PLCG2: variants seen among roughly 807,000 people sequenced by gnomAD.
PLCG2 encodes the protein phospholipase C gamma 2.
In PLCG2, 69 loss-of-function variants were observed where a neutral mutation model predicts 175.6. The observed-to-expected ratio is 0.39, with a 90% confidence interval of 0.32 to 0.48. PLCG2 has a LOEUF of 0.48. PLCG2 is among the 20% of genes least tolerant of loss of function. The probability of loss-of-function intolerance (pLI) is 0.91; values close to 1 mark genes in which losing one functional copy is unlikely to be tolerated. For missense variants in PLCG2, 1,798 were observed against 1,650.9 expected (o/e 1.09, Z -1.54); for synonymous variants, 827 against 624.0 (o/e 1.33, Z -4.85).
At chr16:81,777,234 C>A (rs1175374172), upstream of PLCG2, among the ~76,000 whole-genome samples, 1 of 152,026 alleles carries the variant, frequency 6.6e-6, no homozygotes, top group Non-Finnish European at 1.5e-5. Context: ...GCCACGGCTC[C>A]CTAGAGTGGT....
chr16:81,787,393 AT>A (rs67160306), intron 2 of PLCG2, among the ~76,000 whole-genome samples: 13,540 of 94,484 alleles, frequency 0.14, 954 homozygotes, highest in East Asian at 0.38. Context: ...GGATAATTTA[AT>A]TTTTTTTTTT....
At chr16:81,740,041 G>A (rs1490459698) in intron 1 of PLCG2, among the ~76,000 whole-genome samples, 1 of 151,010 alleles carries the variant, frequency 6.6e-6, no homozygotes, top group Non-Finnish European at 1.5e-5. Context: ...GGGAGGCTGA[G>A]GCAGGAGAAT....
intron 5 of PLCG2, among the ~76,000 whole-genome samples, chr16:81,862,578 A>C (rs536165254): frequency 6.6e-6 from 1 of 152,192 alleles, no homozygotes; most frequent in East Asian, 1.9e-4. Flanking sequence ...CTTTTTTTAA[A>C]TGTGCTACTG....
At chr16:81,747,425 C>T (rs1909726626) in intron 1 of PLCG2, among the ~76,000 whole-genome samples, 1 of 152,236 alleles carries the variant, frequency 6.6e-6, no homozygotes, top group East Asian at 1.9e-4. Context: ...GTCCCAGCTA[C>T]ACGGGACACT....
chr16:81,945,927 T>C (rs568134086), intron 30 of PLCG2, among the ~76,000 whole-genome samples: 1 of 152,320 alleles, frequency 6.6e-6, no homozygotes, highest in South Asian at 2.1e-4. Flanking sequence ...GAGTGAATCA[T>C]TTTTATTTCT....
At chr16:81,859,912 C>A (rs1906882353) in intron 5 of PLCG2, among the ~76,000 whole-genome samples, 1 of 152,080 alleles carries the variant, frequency 6.6e-6, no homozygotes, top group African/African-American at 2.4e-5. Context: ...GACTTTTTCA[C>A]TTAAAAGTAC....
chr16:81,843,198 C>T (rs1905929259), intron 2 of PLCG2, among the ~76,000 whole-genome samples: 1 of 152,180 alleles, frequency 6.6e-6, no homozygotes, highest in African/African-American at 2.4e-5. Context: ...GTTTCAGTCA[C>T]TATGAGCCCT....
rs144847310 is a variant in PLCG2, at chr16:81,840,049, C to G, written c.194-14395C>G. The stretch of plus-strand genomic sequence containing the variant: ...TCCAGCCTGGGTGACAGGGCATGAC[C>G]TTGTCTCCAAAAAAACTTAAAGAAT... On this transcript the variant is annotated intron_variant, in intron 2 of 32. Transcript: ENST00000564138. Among the ~76,000 whole-genome samples, 90 of 152,302 alleles carry G rather than the reference C, an allele frequency of 5.9e-4. No homozygotes were observed. The East Asian group carries it at 0.014, about 24-fold the overall frequency.
intron 19 of PLCG2, among the ~76,000 whole-genome samples, chr16:81,915,190 G>A (rs932947646): frequency 6.6e-6 from 1 of 152,178 alleles, no homozygotes; most frequent in African/African-American, 2.4e-5. Flanking sequence ...AGCTCTCCAG[G>A]GAAACGGATG....
In PLCG2 at chr16:81,895,922, C is replaced by G. The variant is rs13333716; in HGVS notation, c.1188C>G (p.Thr396=). The G allele has an allele frequency of 0.07, 112,250 of 1,613,924 alleles. 4,395 individuals are homozygous for G. The highest frequency in any genetic ancestry group is 0.082 in the African/African-American group (6,125 of 74,948). Residue 396 remains threonine, a synonymous_variant, in exon 13 of 33, where the codon ACC becomes ACG. Coordinates refer to ENST00000564138, the MANE Select transcript of PLCG2 (RefSeq NM_002661.5). ...VQAIKDHAFV[T]SSFPVILSIE... ...CCATCAAAGACCACGCCTTTGTTAC[C>G]TCGAGGTCAGTTGGCTGATTTCTGG...
intron 1 of PLCG2, among the ~76,000 whole-genome samples, chr16:81,743,562 A>T (rs1232757568): frequency 6.6e-6 from 1 of 152,206 alleles, no homozygotes; most frequent in Non-Finnish European, 1.5e-5. Flanking sequence ...GGTTGGGCTC[A>T]GGAATGGGCA....
chr16:81,836,620 G>C (rs966622233), intron 2 of PLCG2, among the ~76,000 whole-genome samples: 3 of 152,158 alleles, frequency 2.0e-5, no homozygotes, highest in Non-Finnish European at 2.9e-5. Flanking sequence ...ACACTCCTTT[G>C]GTCCCAGCTC....
At chr16:81,860,273 T>A (rs986383001) in intron 5 of PLCG2, among the ~76,000 whole-genome samples, 1 of 151,884 alleles carries the variant, frequency 6.6e-6, no homozygotes, top group Non-Finnish European at 1.5e-5. Context: ...CATTGTCATT[T>A]CGGAAATCAT....
chr16:81,858,475 G>A (rs937353155), intron 4 of PLCG2, 119 bp downstream of exon 4: 44 of 742,854 alleles, frequency 5.9e-5, no homozygotes, highest in African/African-American at 5.4e-4. Context: ...TTTGAGGCTC[G>A]TTGAGTGTCT....
At chr16:81,764,433 A>T (rs1327600368) in intron 2 of PLCG2, among the ~76,000 whole-genome samples, 1 of 152,226 alleles carries the variant, frequency 6.6e-6, no homozygotes, top group Admixed American at 6.5e-5. Flanking sequence ...GGGATGGAGG[A>T]AGAATCAGGG....
At chr16:81,898,070 A>C in intron 13 of PLCG2, 3 of 305,616 alleles carry the variant, frequency 9.8e-6, no homozygotes, top group South Asian at 7.6e-5. Context: ...GACACTGTGC[A>C]GTGGCAGCTT....
chr16:81,913,594 G>C (rs894994564), intron 19 of PLCG2, among the ~76,000 whole-genome samples: 1 of 152,274 alleles, frequency 6.6e-6, no homozygotes, highest in South Asian at 2.1e-4. Flanking sequence ...GCCTGTGGGC[G>C]TCTTTTGTAC....
intron 2 of PLCG2, among the ~76,000 whole-genome samples, chr16:81,806,971 G>C (rs1192390343): frequency 1.3e-5 from 2 of 152,166 alleles, no homozygotes; most frequent in Non-Finnish European, 2.9e-5. Flanking sequence ...GGAGCCGGGA[G>C]CCATGGGAGA....
In PLCG2 at chr16:81,786,067, G is replaced by A. The variant is rs749437141; in HGVS notation, c.78G>A (p.Thr26=). ...SQIKRALELG[T]VMTVFSFRKS... ...TCAAGAGAGCCCTGGAGCTGGGGAC[G>A]GTGATGACTGTGTTCAGCTTCCGCA... Residue 26 remains threonine, a synonymous_variant, in exon 2 of 33, where the codon ACG becomes ACA. Coordinates refer to ENST00000564138, the MANE Select transcript of PLCG2 (RefSeq NM_002661.5). 5.0e-6 allele frequency: 8 copies of A among 1,614,034 alleles called. No individual in the cohort carries two copies. Among genetic ancestry groups the A allele is most frequent in the Non-Finnish European group, 6.8e-6 (8 of 1,179,998 alleles).
Sources: gnomAD v4.1 joint callset for allele counts (sites outside exome capture counted in the v4.1 genomes callset) on GRCh38, gnomAD v4.1.1 for gene constraint, MANE v1.5 for transcripts, NCBI Gene and HGNC (gene_info 2026-07-23, HGNC 2026-07-21) for gene names.